APLF: variants seen among roughly 807,000 people sequenced by gnomAD.
APLF encodes aprataxin and PNK-like factor.
In APLF, 61 loss-of-function variants were observed where a neutral mutation model predicts 55.6. That is an observed-to-expected ratio of 1.10 (90% CI 0.89 to 1.36). The LOEUF (loss-of-function observed/expected upper bound fraction) is 1.36, where lower values mean the gene tolerates loss of function less well. Ranked by LOEUF, APLF falls within the 40% of genes most tolerant of loss-of-function variation. APLF has a pLI of 0.00. For synonymous variants in APLF, 207 were observed against 214.8 expected, an observed-to-expected ratio of 0.96 and a Z score of 0.32; for missense variants, 611 against 602.5, an observed-to-expected ratio of 1.01 and a Z score of -0.15.
chr2:68,549,093 T>G (rs1301327337), intron 8 of APLF, among the ~76,000 whole-genome samples: 2 of 152,036 alleles, frequency 1.3e-5, no homozygotes, highest in African/African-American at 4.8e-5. Context: ...TTTTAACAGT[T>G]TATCTGAATC....
At chr2:68,498,360 T>A (rs1460712717) in intron 2 of APLF, among the ~76,000 whole-genome samples, 1 of 152,230 alleles carries the variant, frequency 6.6e-6, no homozygotes, top group Non-Finnish European at 1.5e-5. Context: ...CCCCAAATTA[T>A]ATTTAAGTGA....
At chr2:68,545,159 TCTGACAG>T in intron 7 of APLF, 21 bp from the exon 8 acceptor site, 1 of 1,603,542 alleles carries the variant, frequency 6.2e-7, no homozygotes, top group Admixed American at 1.7e-5. Flanking sequence ...ATTTTTTTTT[TCTGACAG>T]TATATTTGTC....
chr2:68,553,867 C>G (rs1670933426), intron 8 of APLF, among the ~76,000 whole-genome samples: 2 of 152,000 alleles, frequency 1.3e-5, no homozygotes. Flanking sequence ...CAATTATTCC[C>G]TTAAGTGTAA....
intron 9 of APLF, among the ~76,000 whole-genome samples, chr2:68,577,368 G>A (rs1671654279): frequency 6.6e-6 from 1 of 152,130 alleles, no homozygotes; most frequent in Admixed American, 6.6e-5. Context: ...CTGTTCTTGT[G>A]GCAGAGGGGA....
At chr2:68,565,056 T>C (rs1671264244) in intron 8 of APLF, among the ~76,000 whole-genome samples, 1 of 152,126 alleles carries the variant, frequency 6.6e-6, no homozygotes, top group Non-Finnish European at 1.5e-5. Context: ...AGTGGTTTTA[T>C]TGGACAACAC....
rs1429102938 is a variant in APLF, at chr2:68,467,602, C to G, written c.-130C>G. ...CGGGCTCTGAGAGGACCGGCGCAGC[C>G]GCGGGGAGCCTTTGAGGCCCTCCCT... On this transcript the variant is annotated 5_prime_UTR_variant, in exon 1 of 10. Transcript: ENST00000303795. The G allele has an allele frequency of 1.4e-6, 1 of 706,324 alleles. No homozygotes were observed. Among genetic ancestry groups the G allele is most frequent in the East Asian group, 3.4e-5 (1 of 29,290 alleles). The allele number at this position is 706,324 out of a possible 1,614,324, so 43.8% of individuals were successfully genotyped here.
At chr2:68,513,251 A>G (rs1282462663) in intron 4 of APLF, 24 bp downstream of exon 4, 1 of 1,583,282 alleles carries the variant, frequency 6.3e-7, no homozygotes, top group Admixed American at 1.9e-5. Context: ...TATCTCATCC[A>G]TTTATAACAT....
intron 3 of APLF, among the ~76,000 whole-genome samples, chr2:68,504,684 A>G (rs1386967649): frequency 6.6e-6 from 1 of 152,058 alleles, no homozygotes; most frequent in African/African-American, 2.4e-5. Context: ...GGAATACAAC[A>G]AAGATAAAAT....
intron 9 of APLF, among the ~76,000 whole-genome samples, chr2:68,573,672 C>CAA (rs67959075): frequency 0.12 from 11,255 of 92,790 alleles, 1,037 homozygotes; most frequent in African/African-American, 0.29. Context: ...GACCTTGTCT[C>CAA]AAAAAAAAAA....
chr2:68,504,088 A>G (rs1013347627), intron 3 of APLF, among the ~76,000 whole-genome samples: 12 of 152,138 alleles, frequency 7.9e-5, no homozygotes, highest in Non-Finnish European at 1.5e-4. Flanking sequence ...TTGGCAGTTA[A>G]AATGAATGGG....
chr2:68,486,289 A>G (rs137922942), intron 1 of APLF, among the ~76,000 whole-genome samples: 2,090 of 152,148 alleles, frequency 0.014, 17 homozygotes, highest in African/African-American at 0.021. Context: ...GCCAAAATCT[A>G]TACTATTGGA....
intron 5 of APLF, among the ~76,000 whole-genome samples, chr2:68,519,970 C>G (rs549179534): frequency 6.6e-6 from 1 of 151,934 alleles, no homozygotes; most frequent in African/African-American, 2.4e-5. Flanking sequence ...ACATCCACAC[C>G]AACATCTATT....
intron 1 of APLF, among the ~76,000 whole-genome samples, chr2:68,487,665 C>A (rs1373552776): frequency 6.6e-6 from 1 of 152,136 alleles, no homozygotes; most frequent in Admixed American, 6.5e-5. Flanking sequence ...TAAAGCAGAT[C>A]ATCAGATCTT....
intron 5 of APLF, among the ~76,000 whole-genome samples, chr2:68,518,178 A>T (rs1298797210): frequency 8.1e-6 from 1 of 123,408 alleles, no homozygotes; most frequent in Non-Finnish European, 1.6e-5. Context: ...AATATAATAT[A>T]TTATCAATAT....
chr2:68,517,287 T>G (rs868542928), intron 5 of APLF, among the ~76,000 whole-genome samples: 54 of 121,208 alleles, frequency 4.5e-4, no homozygotes, highest in African/African-American at 1.5e-3. Flanking sequence ...ATATAATATA[T>G]TAATATATGT....
intron 8 of APLF, among the ~76,000 whole-genome samples, chr2:68,562,307 A>T (rs927811282): frequency 1.3e-5 from 2 of 152,096 alleles, no homozygotes; most frequent in Non-Finnish European, 2.9e-5. Context: ...GCTTAATTTA[A>T]AACATGTTTT....
intron 3 of APLF, among the ~76,000 whole-genome samples, chr2:68,510,010 T>C (rs556222583): frequency 1.2e-3 from 167 of 140,314 alleles, no homozygotes; most frequent in Non-Finnish European, 2.1e-3. Context: ...TAGGTGGGAA[T>C]TGAACAATGA....
chr2:68,522,028 A>G (rs1369128430), intron 5 of APLF, among the ~76,000 whole-genome samples: 4 of 151,990 alleles, frequency 2.6e-5, no homozygotes, highest in South Asian at 2.1e-4. Flanking sequence ...CATGTTATCT[A>G]TAGAATTAGG....
chr2:68,468,549 A>G (rs1048286352), intron 1 of APLF, among the ~76,000 whole-genome samples: 1 of 152,228 alleles, frequency 6.6e-6, no homozygotes, highest in East Asian at 1.9e-4. Context: ...TTTAAAGTCC[A>G]TACATAAGCT....
Sources: allele counts gnomAD v4.1 joint callset (sites outside exome capture counted in the v4.1 genomes callset), GRCh38; gene constraint gnomAD v4.1.1; transcripts MANE v1.5; gene names NCBI Gene and HGNC (gene_info 2026-07-23, HGNC 2026-07-21).